ANXA4: variants seen among roughly 807,000 people sequenced by gnomAD.
ANXA4 encodes annexin A4.
A neutral mutation model predicts 49.8 loss-of-function variants in ANXA4; 39 were observed. That is an observed-to-expected ratio of 0.78 (90% CI 0.61 to 1.02). The LOEUF (loss-of-function observed/expected upper bound fraction) is 1.02. Among genes scored for constraint, ANXA4 ranks in the 50% least tolerant of loss-of-function variants. The probability of loss-of-function intolerance (pLI) is 0.00; values close to 1 mark genes in which losing one functional copy is unlikely to be tolerated. For missense variants in ANXA4, 360 were observed against 410.1 expected, an observed-to-expected ratio of 0.88 and a Z score of 1.05; for synonymous variants, 134 against 152.5, an observed-to-expected ratio of 0.88 and a Z score of 0.89.
chr2:69,677,414 G>C (rs996932639), intron 2 of ANXA4, among the ~76,000 whole-genome samples: 1 of 151,898 alleles, frequency 6.6e-6, no homozygotes, highest in African/African-American at 2.4e-5. Context: ...ATTTTTAGTA[G>C]AGACAGGGTT....
upstream of ANXA4, among the ~76,000 whole-genome samples, chr2:69,737,828 CT>C (rs1670282042): frequency 6.6e-6 from 1 of 152,126 alleles, no homozygotes; most frequent in Non-Finnish European, 1.5e-5. Context: ...TCTTCTCCCC[CT>C]ATACTCTTTT....
chr2:69,812,423 G>A (rs1202698155), intron 7 of ANXA4, among the ~76,000 whole-genome samples: 1 of 152,144 alleles, frequency 6.6e-6, no homozygotes, highest in Admixed American at 6.5e-5. Context: ...ATTGGCAGAG[G>A]CACTCATGCA....
At chr2:69,804,325 C>T (rs777969249) in intron 3 of ANXA4, among the ~76,000 whole-genome samples, 3 of 152,128 alleles carry the variant, frequency 2.0e-5, no homozygotes, top group Non-Finnish European at 4.4e-5. Context: ...TAACCATTTT[C>T]TTCAGTAGTA....
intron 2 of ANXA4, among the ~76,000 whole-genome samples, chr2:69,697,331 G>A (rs180963482): frequency 9.9e-5 from 15 of 152,236 alleles, no homozygotes; most frequent in East Asian, 5.8e-4. Context: ...GCTTCCTTAC[G>A]TCTCCCAGCC....
chr2:69,810,233 C>T (rs1316843048), intron 6 of ANXA4: 2 of 237,654 alleles, frequency 8.4e-6, no homozygotes, highest in South Asian at 1.1e-4. Flanking sequence ...GTGGGGCACA[C>T]CTGTAATCCC....
At chr2:69,793,250 C>CAAAAAAAAAAAA (rs70954360) in intron 3 of ANXA4, among the ~76,000 whole-genome samples, 1 of 128,568 alleles carries the variant, frequency 7.8e-6, no homozygotes, top group African/African-American at 3.0e-5. Context: ...GACTCCATCT[C>CAAAAAAAAAAAA]AAAAAAAAAA....
At chr2:69,693,787 G>T (rs1678061245) in intron 2 of ANXA4, among the ~76,000 whole-genome samples, 1 of 152,186 alleles carries the variant, frequency 6.6e-6, no homozygotes, top group Non-Finnish European at 1.5e-5. Context: ...AACAATATTT[G>T]CAGGGCCCAA....
intron 1 of ANXA4, among the ~76,000 whole-genome samples, chr2:69,777,131 A>C (rs1671987878): frequency 6.6e-6 from 1 of 152,192 alleles, no homozygotes; most frequent in Admixed American, 6.5e-5. Flanking sequence ...CACAGCTTCC[A>C]CGGCCTCTCC....
chr2:69,658,713 G>T (rs1407782172), intron 2 of ANXA4, among the ~76,000 whole-genome samples: 4 of 151,152 alleles, frequency 2.6e-5, no homozygotes, highest in African/African-American at 7.3e-5. Context: ...ACTTTTTTTT[G>T]AGACTGAGTC....
chr2:69,728,251 A>G (rs1186074937), intron 3 of ANXA4, among the ~76,000 whole-genome samples: 5 of 152,132 alleles, frequency 3.3e-5, no homozygotes, highest in South Asian at 2.1e-4. Flanking sequence ...TAGTGCTTTT[A>G]CTTCGTTGCT....
chr2:69,792,980 G>A (rs746117336), intron 3 of ANXA4, among the ~76,000 whole-genome samples: 13 of 152,172 alleles, frequency 8.5e-5, no homozygotes, highest in Non-Finnish European at 1.3e-4. Flanking sequence ...ATGGCCAGTC[G>A]CAATGGCTCC....
chr2:69,675,064 A>T (rs1001443486), intron 2 of ANXA4, among the ~76,000 whole-genome samples: 3 of 152,006 alleles, frequency 2.0e-5, no homozygotes, highest in African/African-American at 7.2e-5. Context: ...CTGAGACTAC[A>T]GGTGCCTGTC....
intron 3 of ANXA4, among the ~76,000 whole-genome samples, chr2:69,728,280 A>G (rs1341133727): frequency 6.6e-6 from 1 of 152,166 alleles, no homozygotes; most frequent in Non-Finnish European, 1.5e-5. Flanking sequence ...TGATCTTGCT[A>G]TGAGCCCTTT....
chr2:69,659,126 A>G (rs1676619058), intron 2 of ANXA4, among the ~76,000 whole-genome samples: 1 of 152,250 alleles, frequency 6.6e-6, no homozygotes, highest in Non-Finnish European at 1.5e-5. Flanking sequence ...ACTTTGTGAA[A>G]AAAAGTCTAA....
chr2:69,813,758 CT>C lies in ANXA4; in HGVS notation c.534+1068del, dbSNP rs35151857. ...CAGTATTCTCTCTCTCTCTCTCTCT[CT>C]TTTTTTTTTTTTTTTTTTGAGACAG... On this transcript the variant is annotated intron_variant, in intron 8 of 12. Coordinates refer to ENST00000394295, the MANE Select transcript of ANXA4 (RefSeq NM_001153.5). Among the ~76,000 whole-genome samples the C allele has an allele frequency of 1.6e-3, 132 of 82,008 alleles. 1 individual carries two copies. Among genetic ancestry groups the C allele is most frequent in the East Asian group, 2.1e-3 (5 of 2,396 alleles). 53.8% of individuals were successfully genotyped at this position (82,008 alleles called of 152,430 possible).
At chr2:69,667,338 G>T (rs1462787796) in intron 2 of ANXA4, among the ~76,000 whole-genome samples, 1 of 151,752 alleles carries the variant, frequency 6.6e-6, no homozygotes, top group African/African-American at 2.4e-5. Context: ...CCTCGACAAA[G>T]CTATTGAAAA....
At chr2:69,691,334 C>T (rs978793173) in intron 2 of ANXA4, among the ~76,000 whole-genome samples, 4 of 151,576 alleles carry the variant, frequency 2.6e-5, no homozygotes, top group Non-Finnish European at 5.9e-5. Context: ...ATGTTGGCCT[C>T]GAACTCCTGA....
intron 3 of ANXA4, among the ~76,000 whole-genome samples, chr2:69,728,005 C>T (rs2105441090): frequency 6.6e-6 from 1 of 152,276 alleles, no homozygotes; most frequent in East Asian, 1.9e-4. Context: ...AGGAAACACT[C>T]AAGTTAAATA....
At chr2:69,648,820 CA>C (rs372749631) in intron 1 of ANXA4, among the ~76,000 whole-genome samples, 220 of 44,924 alleles carry the variant, frequency 4.9e-3, no homozygotes, top group South Asian at 0.017. Context: ...GACTCAGTCT[CA>C]AAAAAAAAAA....
Sources: allele counts gnomAD v4.1 joint callset (sites outside exome capture counted in the v4.1 genomes callset), GRCh38; gene constraint gnomAD v4.1.1; transcripts MANE v1.5; gene names NCBI Gene and HGNC (gene_info 2026-07-23, HGNC 2026-07-21).